The following DNTTIP1 variants were observed in gnomAD, a reference collection of about 807,000 sequenced individuals.
The protein encoded by DNTTIP1 is deoxynucleotidyltransferase terminal interacting protein 1.
DNTTIP1 carries 22 observed loss-of-function variants against 52.9 expected under a neutral mutation model. The ratio of observed to expected loss-of-function variants is 0.42; its 90% CI spans 0.30 to 0.59. The LOEUF (loss-of-function observed/expected upper bound fraction) is 0.59, where lower values mean the gene tolerates loss of function less well. DNTTIP1 is among the 20% of genes least tolerant of loss of function. DNTTIP1 has a pLI of 0.22. For synonymous variants in DNTTIP1, 136 were observed against 155.1 expected (o/e 0.88, Z 0.92); for missense variants, 286 against 435.5 (o/e 0.66, Z 3.06).
chr20:45,801,057 G>T lies in DNTTIP1; in HGVS notation c.373-17G>T, dbSNP rs936259536. On this transcript the variant is annotated splice_polypyrimidine_tract_variant and intron_variant, in intron 4 of 12. Transcript: ENST00000372622. ...ACCAAAATAGTGACTGGTAACACTTGGTCTTTTTCCCTTCAGGCTAAACTG... is the reference window on the plus strand; with the variant it reads ...ACCAAAATAGTGACTGGTAACACTTTGTCTTTTTCCCTTCAGGCTAAACTG... 1.2e-6 allele frequency: 2 copies of T among 1,611,898 alleles called. No homozygotes were observed. Among genetic ancestry groups the T allele is most frequent in the Admixed American group, 1.7e-5 (1 of 59,980 alleles).
chr20:45,795,020 G>A (rs1465214960), intron 3 of DNTTIP1, among the ~76,000 whole-genome samples: 1 of 151,778 alleles, frequency 6.6e-6, no homozygotes, highest in Non-Finnish European at 1.5e-5. Flanking sequence ...GGATGGTCTC[G>A]ATCTCCTGAC....
At chr20:45,807,153 T>C (rs1197828230) in intron 10 of DNTTIP1, among the ~76,000 whole-genome samples, 1 of 152,054 alleles carries the variant, frequency 6.6e-6, no homozygotes, top group African/African-American at 2.4e-5. Context: ...GACGGAGTCT[T>C]GCTCTGTCAC....
chr20:45,802,476 AT>A (rs1235617581), intron 7 of DNTTIP1, among the ~76,000 whole-genome samples: 1 of 152,120 alleles, frequency 6.6e-6, no homozygotes, highest in African/African-American at 2.4e-5. Context: ...TCAAATATAT[AT>A]TTTTTTAAGA....
At chr20:45,802,851 T>C (rs1219908882) in intron 7 of DNTTIP1, 1 of 149,658 alleles carries the variant, frequency 6.7e-6, no homozygotes, top group South Asian at 2.0e-4. Flanking sequence ...TAAAAAAAAT[T>C]CTGAAGCAGC....
In DNTTIP1 at chr20:45,811,220, G is replaced by A. The variant is rs535418029; in HGVS notation, c.*25G>A. On this transcript the variant is annotated 3_prime_UTR_variant, in exon 13 of 13. Transcript: ENST00000372622. ...AGGCCGGGTCCCCTGGCCACACTTG[G>A]CAGCCCTCCTCCAAAGCCCTCTTCC... 6.3e-7 allele frequency: 1 copy of A among 1,585,530 alleles called. No individual in the cohort carries two copies. The highest frequency in any genetic ancestry group is 1.3e-5 in the African/African-American group (1 of 74,210).
At chr20:45,794,999 C>T (rs1245781104) in intron 3 of DNTTIP1, among the ~76,000 whole-genome samples, 2 of 151,666 alleles carry the variant, frequency 1.3e-5, no homozygotes, top group African/African-American at 2.4e-5. Flanking sequence ...GGGGTTTCAC[C>T]GTGTTAGCCA....
chr20:45,805,421 T>C, intron 10 of DNTTIP1, 55 bp downstream of exon 10: 1 of 1,580,508 alleles, frequency 6.3e-7, no homozygotes, highest in East Asian at 2.2e-5. Flanking sequence ...GACTGGGAAC[T>C]CCACTCAGCA....
At chr20:45,805,267 A>G in intron 9 of DNTTIP1, 39 bp from the exon 10 acceptor site, 1 of 1,614,156 alleles carries the variant, frequency 6.2e-7, no homozygotes, top group Admixed American at 1.7e-5. Context: ...GTAGGACTAC[A>G]CTTTCTGGAA....
chr20:45,798,708 A>T (rs1178552479), intron 4 of DNTTIP1, among the ~76,000 whole-genome samples: 1 of 151,994 alleles, frequency 6.6e-6, no homozygotes, highest in Non-Finnish European at 1.5e-5. Flanking sequence ...TTTTCTTCAG[A>T]TCTTAGTTTA....
chr20:45,794,079 CT>C, intron 3 of DNTTIP1, 62 bp downstream of exon 3: 1 of 1,000,044 alleles, frequency 1.0e-6, no homozygotes, highest in Admixed American at 2.3e-5. Flanking sequence ...CAGTCCTTGC[CT>C]GCATCACCAG....
rs1981768536 is a variant in DNTTIP1, at chr20:45,809,885, CTATT to C, written c.795+704_795+707del. 6.6e-6 allele frequency among the ~76,000 whole-genome samples: 1 copy of C among 152,120 alleles called. No homozygotes were observed. Among genetic ancestry groups the C allele is most frequent in the African/African-American group, 2.4e-5 (1 of 41,414 alleles). The stretch of plus-strand genomic sequence containing the variant: ...CTACCTTTTATTTTATTTTACTACT[CTATT>C]TATGCCTATGCTTTACTTCAAAAAA... On this transcript the variant is annotated intron_variant, in intron 11 of 12. Transcript: ENST00000372622. This position sits in a 1 kb window ranked among gnomAD's most constrained non-coding sequence, Gnocchi z 4.2.
chr20:45,800,293 C>A (rs1381359307), intron 4 of DNTTIP1, among the ~76,000 whole-genome samples: 1 of 151,812 alleles, frequency 6.6e-6, no homozygotes, highest in African/African-American at 2.4e-5. Flanking sequence ...TCTTATTTTG[C>A]TTTTTTACAT....
intron 4 of DNTTIP1, 127 bp downstream of exon 4, chr20:45,795,570 G>A: frequency 1.8e-6 from 1 of 566,042 alleles, no homozygotes; most frequent in East Asian, 3.2e-5. Context: ...AGGCCAAGGT[G>A]GGCAGATCAC....
chr20:45,797,593 G>T (rs1228745657), intron 4 of DNTTIP1, among the ~76,000 whole-genome samples: 1 of 152,066 alleles, frequency 6.6e-6, no homozygotes, highest in Non-Finnish European at 1.5e-5. Flanking sequence ...CTGACAAAGG[G>T]CTAATACCCA....
At position 45,791,988 on chromosome 20, in the gene DNTTIP1, T is replaced by C. The variant is rs537265654; in HGVS notation, c.-17T>C. On this transcript the variant is annotated 5_prime_UTR_variant, in exon 1 of 13. Coordinates refer to ENST00000372622, the MANE Select transcript of DNTTIP1 (RefSeq NM_052951.3). The stretch of plus-strand genomic sequence containing the variant: ...CCGGTGACAGAGTCCAGCGGAGTTG[T>C]GGGGGCCGGGGGCGCCATGGGAGCC... 1.8e-5 allele frequency: 22 copies of C among 1,243,666 alleles called. No homozygotes were observed. Among genetic ancestry groups the C allele is most frequent in the East Asian group, 3.1e-5 (1 of 32,780 alleles). 77.0% of individuals were successfully genotyped at this position (1,243,666 alleles called of 1,614,324 possible).
intron 6 of DNTTIP1, among the ~76,000 whole-genome samples, 191 bp from the exon 7 acceptor site, chr20:45,801,808 C>T (rs977718103): frequency 2.6e-5 from 4 of 152,180 alleles, no homozygotes; most frequent in African/African-American, 9.7e-5. Context: ...CTCTTCACTC[C>T]GCAAGGTACT....
intron 4 of DNTTIP1, 54 bp from the exon 5 acceptor site, chr20:45,801,020 G>C (rs996625427): frequency 6.8e-7 from 1 of 1,474,158 alleles, no homozygotes; most frequent in Non-Finnish European, 9.5e-7. Context: ...AGTAGGTAGG[G>C]TGTGCTTACC....
chr20:45,792,105 T>G lies in DNTTIP1; in HGVS notation c.101T>G (p.Leu34Arg). Residue 34 changes from leucine to arginine, a missense_variant, in exon 1 of 13, where the codon CTT becomes CGT. Leu to Arg is a moderately radical substitution (Grantham distance 102). Around this residue, in one of 2 missense-constraint regions of DNTTIP1, gnomAD observed 208 missense variants for 266.5 expected, o/e 0.78. Transcript: ENST00000372622. ...GCGGGCGCAGCGGGGCAGCTGGTTC[T>G]TACGGTGAGGGCGCCCCCGGTGAGG... ...GDAGAAGQLV[L>R]TNPWNIMIKH... 1 of 1,282,166 alleles carries G rather than the reference T, an allele frequency of 7.8e-7. No individual in the cohort carries two copies. Among genetic ancestry groups the G allele is most frequent in the Non-Finnish European group, 9.9e-7 (1 of 1,012,532 alleles). The allele number at this position is 1,282,166 out of a possible 1,614,324, so 79.4% of individuals were successfully genotyped here. A position where few individuals can be genotyped will look rare whatever the true frequency, so the allele number is the denominator to read the frequency against.
In DNTTIP1 at chr20:45,811,223, G is replaced by A; in HGVS notation, c.*28G>A. The A allele has an allele frequency of 6.3e-7, 1 of 1,582,704 alleles. No individual in the cohort carries two copies. Among genetic ancestry groups the A allele is most frequent in the Non-Finnish European group, 8.6e-7 (1 of 1,166,128 alleles). On this transcript the variant is annotated 3_prime_UTR_variant, in exon 13 of 13. Transcript: ENST00000372622. ...CCGGGTCCCCTGGCCACACTTGGCAGCCCTCCTCCAAAGCCCTCTTCCTCA... is the reference window on the plus strand; with the variant it reads ...CCGGGTCCCCTGGCCACACTTGGCAACCCTCCTCCAAAGCCCTCTTCCTCA...
Sources: gnomAD v4.1 joint callset for allele counts (sites outside exome capture counted in the v4.1 genomes callset) on GRCh38, gnomAD v4.1.1 for gene constraint, gnomAD v4.1.1 regional missense constraint, Gnocchi (gnomAD v3.1) non-coding constraint, MANE v1.5 for transcripts, NCBI Gene and HGNC (gene_info 2026-07-23, HGNC 2026-07-21) for gene names.